Variants in RARB observed in about 807,000 individuals in gnomAD.
RARB encodes the protein retinoic acid receptor beta.
In RARB, 17 loss-of-function variants were observed where a neutral mutation model predicts 51.9. The ratio of observed to expected loss-of-function variants is 0.33; its 90% CI spans 0.22 to 0.49. The LOEUF (loss-of-function observed/expected upper bound fraction) is 0.49, where lower values mean the gene tolerates loss of function less well. RARB is among the 20% of genes least tolerant of loss of function. The pLI, the probability that RARB is intolerant of heterozygous loss-of-function variation, is 0.99. For synonymous variants in RARB, 215 were observed against 195.4 expected (o/e 1.10, Z -0.84); for missense variants, 369 against 550.8 (o/e 0.67, Z 3.30).
chr3:25,498,681 G>C (rs1273173716), intron 2 of RARB, among the ~76,000 whole-genome samples: 1 of 152,088 alleles, frequency 6.6e-6, no homozygotes, highest in African/African-American at 2.4e-5. Flanking sequence ...CACTGACTAA[G>C]TGTTTGCTGA....
chr3:25,015,860 G>A, intron 2 of RARB, among the ~76,000 whole-genome samples: 1 of 152,152 alleles, frequency 6.6e-6, no homozygotes, highest in East Asian at 1.9e-4. Flanking sequence ...CCAACCCAGA[G>A]TACTCTGATT....
intron 1 of RARB, among the ~76,000 whole-genome samples, chr3:25,443,170 T>G (rs1342828825): frequency 6.6e-6 from 1 of 152,102 alleles, no homozygotes; most frequent in Non-Finnish European, 1.5e-5. Flanking sequence ...AGCTAATATT[T>G]TTTGGTTATT....
At chr3:25,324,673 T>TG (rs1704663842) in intron 5 of RARB, 1 of 161,984 alleles carries the variant, frequency 6.2e-6, no homozygotes, top group Non-Finnish European at 1.4e-5. Flanking sequence ...GCCCCCTTCC[T>TG]GGAACATCTG....
chr3:25,161,441 G>A (rs767693544), intron 4 of RARB, among the ~76,000 whole-genome samples: 2 of 152,106 alleles, frequency 1.3e-5, no homozygotes, highest in African/African-American at 2.4e-5. Flanking sequence ...TGGAACCTGT[G>A]GGGGCCATTC....
chr3:25,011,794 C>G (rs1443575237), intron 2 of RARB, among the ~76,000 whole-genome samples: 2 of 152,042 alleles, frequency 1.3e-5, no homozygotes, highest in African/African-American at 2.4e-5. Context: ...TAGCCCCACA[C>G]CTAGAAGTCT....
At chr3:25,336,999 T>C (rs1251480992) in intron 5 of RARB, among the ~76,000 whole-genome samples, 5 of 152,164 alleles carry the variant, frequency 3.3e-5, no homozygotes, top group African/African-American at 1.2e-4. Flanking sequence ...TAAATCGCCA[T>C]GGATGCAGTG....
At chr3:24,843,588 C>G (rs1032404180) in intron 1 of RARB, among the ~76,000 whole-genome samples, 5 of 152,280 alleles carry the variant, frequency 3.3e-5, no homozygotes, top group African/African-American at 1.2e-4. Flanking sequence ...TGCCAGCCCA[C>G]ACACCATCAA....
intron 5 of RARB, among the ~76,000 whole-genome samples, chr3:25,414,352 G>A (rs11706561): frequency 0.14 from 22,048 of 152,150 alleles, 2,040 homozygotes; most frequent in South Asian, 0.23. Context: ...CTTCCAGTTT[G>A]GGGCTATTAC....
At chr3:25,032,057 G>A (rs552152659) in intron 2 of RARB, among the ~76,000 whole-genome samples, 1 of 152,210 alleles carries the variant, frequency 6.6e-6, no homozygotes, top group African/African-American at 2.4e-5. Flanking sequence ...TGCTAAGCCT[G>A]TAATCAAGAC....
chr3:24,839,480 G>T (rs1702390427), intron 1 of RARB, among the ~76,000 whole-genome samples: 1 of 151,404 alleles, frequency 6.6e-6, no homozygotes, highest in African/African-American at 2.4e-5. Flanking sequence ...TGAGAGGACT[G>T]CTTGAACCCA....
At chr3:25,594,400 T>C (rs1175143541) in intron 6 of RARB, 120 bp from the exon 7 acceptor site, 1 of 1,118,538 alleles carries the variant, frequency 8.9e-7, no homozygotes, top group African/African-American at 1.6e-5. Context: ...GTCTGCAAAT[T>C]TGTGTATGTA....
chr3:24,946,410 A>T (rs1695776681), intron 2 of RARB, among the ~76,000 whole-genome samples: 2 of 133,918 alleles, frequency 1.5e-5, no homozygotes, highest in Admixed American at 1.5e-4. Context: ...TTTAGAAATT[A>T]GAAGGTGGTG....
At chr3:25,405,149 G>A (rs928142488) in intron 5 of RARB, among the ~76,000 whole-genome samples, 4 of 152,184 alleles carry the variant, frequency 2.6e-5, no homozygotes, top group African/African-American at 7.2e-5. Context: ...AGAGACCGGA[G>A]CAGAGGCCTA....
At chr3:25,255,742 A>G (rs1428032863) in intron 5 of RARB, among the ~76,000 whole-genome samples, 1 of 152,142 alleles carries the variant, frequency 6.6e-6, no homozygotes, top group African/African-American at 2.4e-5. Context: ...GAGTTGCTCA[A>G]GTCCAAAGAC....
chr3:25,381,991 T>C (rs1386594325), intron 5 of RARB, among the ~76,000 whole-genome samples: 1 of 152,216 alleles, frequency 6.6e-6, no homozygotes, highest in Non-Finnish European at 1.5e-5. Context: ...CGAGCCATTG[T>C]AAAGTCCACG....
intron 3 of RARB, among the ~76,000 whole-genome samples, chr3:25,539,532 C>CTTTTT (rs56693487): frequency 3.9e-5 from 4 of 102,386 alleles, no homozygotes; most frequent in African/African-American, 8.7e-5. Context: ...CTCTCTCTCT[C>CTTTTT]TTTTTTTTTT....
At chr3:25,284,695 G>A (rs927243303) in intron 5 of RARB, among the ~76,000 whole-genome samples, 3 of 152,240 alleles carry the variant, frequency 2.0e-5, no homozygotes, top group Non-Finnish European at 2.9e-5. Context: ...TCAGAACCTC[G>A]ACTCACATTT....
intron 2 of RARB, among the ~76,000 whole-genome samples, chr3:24,957,031 A>C (rs1696031819): frequency 6.6e-6 from 1 of 152,190 alleles, no homozygotes; most frequent in African/African-American, 2.4e-5. Context: ...CGTACCAATC[A>C]ACTATTAGAT....
At chr3:24,844,835 T>C (rs1702466387) in intron 1 of RARB, among the ~76,000 whole-genome samples, 1 of 152,166 alleles carries the variant, frequency 6.6e-6, no homozygotes, top group South Asian at 2.1e-4. Flanking sequence ...TTCTCCCTGC[T>C]CCCCAGGTCT....
Sources: gnomAD v4.1 joint callset for allele counts (sites outside exome capture counted in the v4.1 genomes callset) on GRCh38, gnomAD v4.1.1 for gene constraint, MANE v1.5 for transcripts, NCBI Gene and HGNC (gene_info 2026-07-23, HGNC 2026-07-21) for gene names.